SHC3: variants seen among roughly 807,000 people sequenced by gnomAD.
The protein encoded by SHC3 is SHC adaptor protein 3.
Under a neutral mutation model 60.4 loss-of-function variants are expected in SHC3, and 15 were observed. The observed-to-expected ratio is 0.25, with a 90% CI of 0.17 to 0.38. The LOEUF is 0.38. Ranked by LOEUF, SHC3 falls within the 10% of genes least tolerant of loss-of-function variation. The pLI is 1.00. For synonymous variants in SHC3, 294 were observed against 325.9 expected, an observed-to-expected ratio of 0.90 and a Z score of 1.05; for missense variants, 677 against 786.1, an observed-to-expected ratio of 0.86 and a Z score of 1.66.
chr9:89,157,759 G>A (rs1422836869), intron 1 of SHC3, among the ~76,000 whole-genome samples: 1 of 151,994 alleles, frequency 6.6e-6, no homozygotes, highest in African/African-American at 2.4e-5. Context: ...GGGACTACAG[G>A]CATCCTGCCA....
At chr9:89,173,853 A>G (rs1226201352) in intron 1 of SHC3, among the ~76,000 whole-genome samples, 2 of 152,210 alleles carry the variant, frequency 1.3e-5, no homozygotes, top group Non-Finnish European at 2.9e-5. Context: ...ATTAATGTCA[A>G]AAGAAATTCT....
At chr9:89,082,492 C>A (rs1031872747) in intron 2 of SHC3, among the ~76,000 whole-genome samples, 1 of 152,204 alleles carries the variant, frequency 6.6e-6, no homozygotes, top group Admixed American at 6.5e-5. Context: ...CCACCTAGGC[C>A]CTGGTGACAT....
At chr9:89,162,317 G>T (rs1378305094) in intron 1 of SHC3, among the ~76,000 whole-genome samples, 1 of 151,924 alleles carries the variant, frequency 6.6e-6, no homozygotes, top group East Asian at 1.9e-4. Flanking sequence ...AAAGCTGGAG[G>T]CATCACACTA....
intron 10 of SHC3, 32 bp from the exon 11 acceptor site, chr9:89,038,320 C>T: frequency 6.3e-6 from 9 of 1,428,622 alleles, no homozygotes; most frequent in Non-Finnish European, 7.6e-6. Context: ...AGCAACAAGT[C>T]AATCCCAAGA....
chr9:89,109,442 A>T, intron 2 of SHC3: 1 of 985,478 alleles, frequency 1.0e-6, no homozygotes. Context: ...GCTCAGAGAC[A>T]TGATGGAGTG....
intron 2 of SHC3, among the ~76,000 whole-genome samples, chr9:89,084,910 G>A (rs1405692600): frequency 6.6e-6 from 1 of 152,228 alleles, no homozygotes; most frequent in Non-Finnish European, 1.5e-5. Flanking sequence ...GACTGGGTTG[G>A]ATGGGGCTGC....
At chr9:89,160,752 G>A (rs1826692462) in intron 1 of SHC3, among the ~76,000 whole-genome samples, 1 of 152,188 alleles carries the variant, frequency 6.6e-6, no homozygotes, top group Non-Finnish European at 1.5e-5. Flanking sequence ...GTAATTAGCT[G>A]TCAAGAGAAA....
chr9:89,130,622 T>C (rs1193654008), intron 1 of SHC3, among the ~76,000 whole-genome samples: 3 of 152,238 alleles, frequency 2.0e-5, no homozygotes, highest in Admixed American at 6.5e-5. Context: ...CACTCAAAAC[T>C]GCTCAACTAC....
chr9:89,070,500 T>A (rs983609720), intron 5 of SHC3, among the ~76,000 whole-genome samples: 1 of 152,216 alleles, frequency 6.6e-6, no homozygotes, highest in African/African-American at 2.4e-5. Context: ...GGAGGTGGTT[T>A]TCTGAGTTCA....
chr9:89,177,552 G>C (rs1438518084), intron 1 of SHC3, among the ~76,000 whole-genome samples: 3 of 152,196 alleles, frequency 2.0e-5, no homozygotes, highest in African/African-American at 7.2e-5. Context: ...CTCCCGCCGG[G>C]GAAGACACAG....
chr9:89,116,937 T>C (rs751718884), intron 1 of SHC3, among the ~76,000 whole-genome samples: 1 of 152,204 alleles, frequency 6.6e-6, no homozygotes, highest in Non-Finnish European at 1.5e-5. Flanking sequence ...TGCAGAGTTA[T>C]GTAAATATGA....
rs373999587 is a variant in SHC3 at position 89,112,680 on chromosome 9, A to T, written c.475-54T>A. 57 of 1,498,504 alleles carry T rather than the reference A, an allele frequency of 3.8e-5. No homozygotes were observed. The South Asian group carries it at 3.9e-4, about 10-fold the overall frequency. 92.8% of individuals were successfully genotyped at this position (1,498,504 alleles called of 1,614,324 possible). ...GCCCTGAGATTTGAGATAAAGAGAC[A>T]ACTCCTAACTATACAAGGGCATTTT... On this transcript the variant is annotated intron_variant, in intron 1 of 11. Coordinates refer to ENST00000375835, the MANE Select transcript of SHC3 (RefSeq NM_016848.6).
rs190787908 is a variant in SHC3, at chr9:89,041,948, T to C, written c.1360+78A>G. On this transcript the variant is annotated intron_variant, in intron 10 of 11. Coordinates refer to ENST00000375835, the MANE Select transcript of SHC3 (RefSeq NM_016848.6). The stretch of plus-strand genomic sequence containing the variant: ...ACCCTACTATCAGAAAATTCAGTAA[T>C]TACACAGATTTCAAATAAAAGGCAG... 11 of 1,555,396 alleles carry C rather than the reference T, an allele frequency of 7.1e-6. No individual in the cohort carries two copies. In the East Asian group the frequency reaches 2.1e-4, roughly 29 times the overall value.
intron 2 of SHC3, among the ~76,000 whole-genome samples, chr9:89,089,824 C>T (rs545414091): frequency 6.6e-6 from 1 of 152,314 alleles, no homozygotes; most frequent in South Asian, 2.1e-4. Context: ...CACAGCGACC[C>T]AGGAGGTCAC....
rs1249382788 is a variant in SHC3 at position 89,178,088 on chromosome 9, T to A, written c.373A>T (p.Arg125Trp). The change falls in exon 1 of 12, where the codon AGG becomes TGG. Residue 125 changes from arginine to tryptophan, a missense_variant. Arg to Trp is a moderately radical substitution (Grantham distance 101). Transcript: ENST00000375835. This position sits in a 1 kb window ranked among gnomAD's most constrained non-coding sequence, Gnocchi z 6.9. ...APRAPAMSAA[R>W]KGRPGDEPLP... ...GGCTCGTCGCCGGGCCGGCCCTTCC[T>A]GGCGGCGCTCATGGCCGGGGCGCGG... is the stretch of plus-strand genomic sequence containing the variant. The A allele has an allele frequency of 8.4e-7, 1 of 1,184,894 alleles. No individual in the cohort carries two copies. Among genetic ancestry groups the A allele is most frequent in the South Asian group, 4.2e-5 (1 of 23,952 alleles). 73.4% of individuals were successfully genotyped at this position (1,184,894 alleles called of 1,614,324 possible).
intron 1 of SHC3, among the ~76,000 whole-genome samples, chr9:89,165,220 A>T (rs576995368): frequency 6.6e-6 from 1 of 152,180 alleles, no homozygotes; most frequent in Non-Finnish European, 1.5e-5. Flanking sequence ...GTGTAAAAGA[A>T]AAGAAGAAAA....
chr9:89,063,796 A>G (rs1825130955), intron 6 of SHC3, among the ~76,000 whole-genome samples: 1 of 152,252 alleles, frequency 6.6e-6, no homozygotes, highest in Non-Finnish European at 1.5e-5. Flanking sequence ...GTTGTTGTTA[A>G]GCCACTAAGC....
intron 1 of SHC3, among the ~76,000 whole-genome samples, chr9:89,124,304 G>C (rs546751681): frequency 6.6e-6 from 1 of 152,182 alleles, no homozygotes; most frequent in Non-Finnish European, 1.5e-5. Flanking sequence ...TCTAGAACCA[G>C]AAATACCATT....
rs1161941809 is a variant in SHC3, at chr9:89,006,302, A to G, written c.*7145T>C. ...GAAGGAATCCCTGTGGATTTATCAA[A>G]AGGGAGGAGGGAATTTAAGCTAATT... is the stretch of plus-strand genomic sequence containing the variant. On this transcript the variant is annotated 3_prime_UTR_variant, in exon 12 of 12. Coordinates refer to ENST00000375835, the MANE Select transcript of SHC3 (RefSeq NM_016848.6). 1 of 152,220 alleles carries G rather than the reference A, an allele frequency of 6.6e-6. No individual in the cohort carries two copies. The highest frequency in any genetic ancestry group is 2.4e-5 in the African/African-American group (1 of 41,460). The allele number at this position is 152,220 out of a possible 1,614,324, so 9.4% of individuals were successfully genotyped here. A position where few individuals can be genotyped will look rare whatever the true frequency, so the allele number is the denominator to read the frequency against.
Sources: gnomAD v4.1 joint callset for allele counts (sites outside exome capture counted in the v4.1 genomes callset) on GRCh38, gnomAD v4.1.1 for gene constraint, Gnocchi (gnomAD v3.1) non-coding constraint, MANE v1.5 for transcripts, NCBI Gene and HGNC (gene_info 2026-07-23, HGNC 2026-07-21) for gene names.